The following HSD17B4 variants were observed in gnomAD, a reference collection of about 807,000 sequenced individuals.
HSD17B4 encodes the protein hydroxysteroid 17-beta dehydrogenase 4.
A neutral mutation model predicts 101.0 loss-of-function variants in HSD17B4; 70 were observed. That is an observed-to-expected ratio of 0.69 (90% CI 0.57 to 0.85). HSD17B4 has a LOEUF of 0.85. Among genes scored for constraint, HSD17B4 ranks in the 40% least tolerant of loss-of-function variants. The pLI is 0.00. For missense variants in HSD17B4, 984 were observed against 892.4 expected, an observed-to-expected ratio of 1.10 and a Z score of -1.31; for synonymous variants, 347 against 297.1, an observed-to-expected ratio of 1.17 and a Z score of -1.73.
chr5:119,530,041 C>T (rs1753928545), intron 21 of HSD17B4, 61 bp downstream of exon 21: 2 of 960,506 alleles, frequency 2.1e-6, no homozygotes, highest in African/African-American at 1.6e-5. Flanking sequence ...GTTAAGGTGA[C>T]TTTAAGAGTG....
chr5:119,541,949 G>T lies in HSD17B4; in HGVS notation c.2166G>T (p.Leu722=). Residue 722 remains leucine (L), a synonymous_variant, in exon 24 of 24, where the codon CTG becomes CTT. Transcript: ENST00000510025. ...GRLKARGNIM[L]SQKLQMILKD... is the part of the protein sequence containing the mutation. ...TGAAGGCCAGAGGGAACATCATGCT[G>T]AGCCAGAAACTTCAGATGATTCTTA... 6.2e-7 allele frequency: 1 copy of T among 1,613,198 alleles called. No individual in the cohort carries two copies. Among genetic ancestry groups the T allele is most frequent in the Non-Finnish European group, 8.5e-7 (1 of 1,179,486 alleles).
chr5:119,463,568 A>G (rs1317958697), intron 2 of HSD17B4, among the ~76,000 whole-genome samples: 4 of 149,060 alleles, frequency 2.7e-5, no homozygotes, highest in Non-Finnish European at 4.4e-5. Flanking sequence ...CTAACTTGAA[A>G]TGATCTCATT....
rs1049063108 is a variant in HSD17B4 at position 119,530,678 on chromosome 5, C to T, written c.1855-588C>T. ...GACCAGCCTGGCCAACATGGTGAGA[C>T]TCCATCTCTACTAAAAATACAAAAA... On this transcript the variant is annotated intron_variant, in intron 21 of 23. Coordinates refer to ENST00000510025, the MANE Select transcript of HSD17B4 (RefSeq NM_000414.4). Among the ~76,000 whole-genome samples the T allele has an allele frequency of 3.3e-5, 5 of 151,196 alleles. No homozygotes were observed. In the South Asian group the frequency reaches 6.3e-4, roughly 19 times the overall value.
At chr5:119,502,240 T>C in intron 14 of HSD17B4, 148 bp downstream of exon 14, 1 of 627,144 alleles carries the variant, frequency 1.6e-6, no homozygotes, top group Non-Finnish European at 2.9e-6. Flanking sequence ...TAGAGTAGAC[T>C]GATGTTAACT....
At position 119,506,904 on chromosome 5, in the gene HSD17B4, A is replaced by G. The variant is rs370232015; in HGVS notation, c.1333+15A>G. The G allele has an allele frequency of 5.4e-6, 7 of 1,292,304 alleles. No homozygotes were observed. The highest frequency in any genetic ancestry group is 6.7e-6 in the Non-Finnish European group (6 of 889,574). The allele number at this position is 1,292,304 out of a possible 1,614,324, so 80.1% of individuals were successfully genotyped here. The stretch of plus-strand genomic sequence containing the variant: ...TATTATGGATGGTAATTTATTTACA[A>G]TTCTTATAATAATATTGTTAGATTG... On this transcript the variant is annotated intron_variant, in intron 15 of 23. Coordinates refer to ENST00000510025, the MANE Select transcript of HSD17B4 (RefSeq NM_000414.4).
intron 2 of HSD17B4, among the ~76,000 whole-genome samples, chr5:119,460,508 C>G (rs183852605): frequency 4.8e-4 from 73 of 152,226 alleles, no homozygotes; most frequent in Admixed American, 1.4e-3. Context: ...TAGCTCTTAG[C>G]TATTTGTCAT....
chr5:119,461,049 G>A (rs889720789), intron 2 of HSD17B4, among the ~76,000 whole-genome samples: 2 of 152,088 alleles, frequency 1.3e-5, no homozygotes, highest in African/African-American at 4.8e-5. Context: ...GGTCCTAGAA[G>A]GCCAGATCAC....
rs1464555123 is a variant in HSD17B4 at position 119,476,628 on chromosome 5, T to C, written c.349+758T>C. 20 of 984,900 alleles carry C rather than the reference T, an allele frequency of 2.0e-5. No individual in the cohort carries two copies. In the East Asian group the frequency reaches 1.7e-3, roughly 84 times the overall value. The allele number at this position is 984,900 out of a possible 1,614,324, so 61.0% of individuals were successfully genotyped here. The stretch of plus-strand genomic sequence containing the variant: ...AAGAGCTTTTAGTTTCTGCTTCCCT[T>C]GTAACAACTGGGGTAAAAAAGAAGC... On this transcript the variant is annotated intron_variant, in intron 6 of 23. Coordinates refer to ENST00000510025, the MANE Select transcript of HSD17B4 (RefSeq NM_000414.4).
rs373488428 is a variant in HSD17B4 at position 119,493,927 on chromosome 5, C to G, written c.849C>G (p.Ser283Arg). 56 of 1,613,106 alleles carry G rather than the reference C, an allele frequency of 3.5e-5. No individual in the cohort carries two copies. Among genetic ancestry groups the G allele is most frequent in the Non-Finnish European group, 4.2e-5 (50 of 1,179,418 alleles). ...AGATCTGTGACTTTGAGAATGCCAG[C>G]AAGCCTCAGAGTATCCAAGGTAAAG... is the stretch of plus-strand genomic sequence containing the variant. ...WKKICDFENA[S>R]KPQSIQESTG... Residue 283 changes from serine (S) to arginine (R), a missense_variant, in exon 11 of 24, where the codon AGC (serine) becomes AGG (arginine). By Grantham distance (110) the Ser-to-Arg change is moderately radical. Transcript: ENST00000510025.
chr5:119,494,668 T>G (rs1296942341), intron 11 of HSD17B4, among the ~76,000 whole-genome samples: 2 of 152,144 alleles, frequency 1.3e-5, no homozygotes, highest in African/African-American at 4.8e-5. Context: ...TGTTCTCCAC[T>G]TCTTTTGTTT....
chr5:119,507,450 CT>C (rs1377344764), intron 15 of HSD17B4, among the ~76,000 whole-genome samples: 4 of 152,098 alleles, frequency 2.6e-5, no homozygotes, highest in South Asian at 2.1e-4. Context: ...TGTTGAAATA[CT>C]AGTAATTAAA....
rs142116861 is a variant in HSD17B4 at position 119,500,963 on chromosome 5, G to A, written c.1210-1078G>A. On this transcript the variant is annotated intron_variant, in intron 13 of 23. Transcript: ENST00000510025. ...GTATCTGTAACTTTGACTGATTGGAGAACTTATTTACTGGTGGATCAGTTA... is the reference window on the plus strand; with the variant it reads ...GTATCTGTAACTTTGACTGATTGGAAAACTTATTTACTGGTGGATCAGTTA... Among the ~76,000 whole-genome samples the A allele has an allele frequency of 3.0e-3, 458 of 152,182 alleles. 1 individual carries two copies. Among genetic ancestry groups the A allele is most frequent in the African/African-American group, 0.011 (441 of 41,516 alleles).
intron 12 of HSD17B4, among the ~76,000 whole-genome samples, chr5:119,496,900 A>G (rs1474434391): frequency 6.6e-6 from 1 of 152,244 alleles, no homozygotes; most frequent in Non-Finnish European, 1.5e-5. Context: ...CAGTTGAGCC[A>G]CATGAAGAGA....
Position 119,535,633 on chromosome 5 carries a change from G to A in HSD17B4, c.1994-790G>A, listed in dbSNP as rs191751231. 2.5e-3 allele frequency: 362 copies of A among 147,170 alleles called. 2 individuals are homozygous for A. The highest frequency in any genetic ancestry group is 8.7e-3 in the African/African-American group (349 of 40,336). 9.1% of individuals were successfully genotyped at this position (147,170 alleles called of 1,614,324 possible). ...TTTAAAAACTTAATTTTTAACCTGG[G>A]TTTTTTTCTTTGTGTTTGTTATTAC... On this transcript the variant is annotated intron_variant, in intron 22 of 23. Coordinates refer to ENST00000510025, the MANE Select transcript of HSD17B4 (RefSeq NM_000414.4).
intron 11 of HSD17B4, among the ~76,000 whole-genome samples, chr5:119,494,748 C>G (rs917663616): frequency 2.0e-5 from 3 of 152,040 alleles, no homozygotes; most frequent in Non-Finnish European, 4.4e-5. Flanking sequence ...GTTTGTACTT[C>G]TTGTATATAT....
At chr5:119,505,497 T>G (rs1050998854) in intron 14 of HSD17B4, among the ~76,000 whole-genome samples, 1 of 152,202 alleles carries the variant, frequency 6.6e-6, no homozygotes, top group African/African-American at 2.4e-5. Context: ...TTTTATTTTT[T>G]TGTGCTATTG....
At chr5:119,479,061 C>G in intron 8 of HSD17B4, 40 bp downstream of exon 8, 1 of 1,426,996 alleles carries the variant, frequency 7.0e-7, no homozygotes, top group African/African-American at 1.4e-5. Flanking sequence ...CTGTTACTTA[C>G]AAACCTATGT....
chr5:119,491,210 T>A (rs886267584), intron 9 of HSD17B4, among the ~76,000 whole-genome samples: 3 of 152,178 alleles, frequency 2.0e-5, no homozygotes, highest in Admixed American at 2.0e-4. Flanking sequence ...TTGCCTGTTA[T>A]CAAAACCACT....
intron 2 of HSD17B4, among the ~76,000 whole-genome samples, chr5:119,469,635 G>T (rs1054422900): frequency 6.6e-6 from 1 of 152,146 alleles, no homozygotes; most frequent in Admixed American, 6.5e-5. Context: ...GATTGCAGGC[G>T]TGAGCCACTG....
Sources: allele counts gnomAD v4.1 joint callset (sites outside exome capture counted in the v4.1 genomes callset), GRCh38; gene constraint gnomAD v4.1.1; transcripts MANE v1.5; gene names NCBI Gene and HGNC (gene_info 2026-07-23, HGNC 2026-07-21).